The following ETS1 variants were observed in gnomAD, a reference collection of about 807,000 sequenced individuals.
ETS1 encodes ETS proto-oncogene 1, transcription factor.
In ETS1, 15 loss-of-function variants were observed where a neutral mutation model predicts 58.6. The observed-to-expected ratio is 0.26, with a 90% CI of 0.17 to 0.39. The LOEUF (loss-of-function observed/expected upper bound fraction) is 0.39, where lower values mean the gene tolerates loss of function less well. Ranked by LOEUF, ETS1 falls within the 10% of genes least tolerant of loss-of-function variation. The pLI is 1.00. For synonymous variants in ETS1, 214 were observed against 218.2 expected, an observed-to-expected ratio of 0.98 and a Z score of 0.17; for missense variants, 417 against 610.5, an observed-to-expected ratio of 0.68 and a Z score of 3.34.
At chr11:128,533,565 A>G (rs2135534246) in intron 3 of ETS1, among the ~76,000 whole-genome samples, 1 of 152,284 alleles carries the variant, frequency 6.6e-6, no homozygotes, top group South Asian at 2.1e-4. Flanking sequence ...TCCCTTGAAC[A>G]CACTCTAGTT....
intron 3 of ETS1, among the ~76,000 whole-genome samples, chr11:128,521,526 G>C (rs953447037): frequency 6.6e-6 from 1 of 152,158 alleles, no homozygotes; most frequent in Non-Finnish European, 1.5e-5. Context: ...GGGGGACGTG[G>C]AGTCAGGCGA....
chr11:128,492,497 C>A lies in ETS1; in HGVS notation c.215-1921G>T, dbSNP rs146083990. On this transcript the variant is annotated intron_variant, in intron 3 of 9. Coordinates refer to ENST00000392668, the MANE Select transcript of ETS1 (RefSeq NM_001143820.2). Reference sequence around the variant, plus strand: ...TGCCAATGACGAGGAATCTGAAGTTCCAGGGAGTGGTAAGTTTGGGTTGCC... The same window carrying A: ...TGCCAATGACGAGGAATCTGAAGTTACAGGGAGTGGTAAGTTTGGGTTGCC... Among the ~76,000 whole-genome samples the A allele has an allele frequency of 2.3e-3, 344 of 151,920 alleles. 4 individuals are homozygous for A. Among genetic ancestry groups the A allele is most frequent in the African/African-American group, 5.1e-3 (210 of 41,400 alleles).
At chr11:128,558,778 C>G (rs913409321) in intron 2 of ETS1, among the ~76,000 whole-genome samples, 2 of 151,966 alleles carry the variant, frequency 1.3e-5, no homozygotes, top group Admixed American at 1.3e-4. Context: ...GCTCCTGAAG[C>G]AGCTACATTA....
Position 128,480,248 on chromosome 11 carries a change from C to A in ETS1, c.1066G>T (p.Ala356Ser). 6.2e-7 allele frequency: 1 copy of A among 1,614,046 alleles called. No individual in the cohort carries two copies. The highest frequency in any genetic ancestry group is 8.5e-7 in the Non-Finnish European group (1 of 1,180,026). ...ACAGGCTTGTCCTTATTGAGGTCAGCACGGTCCCGCACATAGTCCTTGAAG... is the reference window on the plus strand; with the variant it reads ...ACAGGCTTGTCCTTATTGAGGTCAGAACGGTCCCGCACATAGTCCTTGAAG... The part of the protein sequence containing the change: ...GTFKDYVRDR[A>S]DLNKDKPVIP... Residue 356 changes from alanine (A) to serine (S), a missense_variant, in exon 8 of 10, where the codon GCT becomes TCT. By Grantham distance (99) the Ala-to-Ser change is moderately conservative. Transcript: ENST00000392668.
At chr11:128,525,670 C>G (rs1263563621) in intron 3 of ETS1, among the ~76,000 whole-genome samples, 2 of 145,780 alleles carry the variant, frequency 1.4e-5, no homozygotes, top group Non-Finnish European at 3.0e-5. Flanking sequence ...CCTGTCTGAG[C>G]TGCATTTGTG....
chr11:128,517,860 G>T (rs1051008308), intron 3 of ETS1, among the ~76,000 whole-genome samples: 2 of 150,472 alleles, frequency 1.3e-5, no homozygotes, highest in Non-Finnish European at 3.0e-5. Context: ...CTCTTTAAGA[G>T]AAAAAAAAAG....
intron 2 of ETS1, among the ~76,000 whole-genome samples, chr11:128,561,730 C>A (rs920196192): frequency 1.2e-4 from 19 of 152,290 alleles, no homozygotes; most frequent in Middle Eastern, 3.4e-3. Context: ...AATGGTGAAT[C>A]TACGGGACGG....
intron 3 of ETS1, among the ~76,000 whole-genome samples, chr11:128,550,641 A>G (rs924915872): frequency 6.6e-6 from 1 of 152,150 alleles, no homozygotes; most frequent in Non-Finnish European, 1.5e-5. Flanking sequence ...GTAGCTTGTC[A>G]GGGCAGCTAG....
intron 3 of ETS1, among the ~76,000 whole-genome samples, chr11:128,539,554 T>C (rs1004556844): frequency 2.0e-5 from 3 of 152,204 alleles, no homozygotes; most frequent in Admixed American, 6.5e-5. Context: ...CTAGTAGGAA[T>C]GTAAAATGAA....
intron 2 of ETS1, among the ~76,000 whole-genome samples, chr11:128,562,269 C>T (rs951388405): frequency 1.1e-4 from 16 of 152,190 alleles, no homozygotes; most frequent in South Asian, 2.1e-4. Context: ...ATTAGCCAGG[C>T]GTGGTGGTAG....
At chr11:128,502,024 A>T (rs1484205379) in intron 3 of ETS1, among the ~76,000 whole-genome samples, 3 of 152,188 alleles carry the variant, frequency 2.0e-5, no homozygotes, top group African/African-American at 7.2e-5. Flanking sequence ...AGAGAGAGAG[A>T]GAAAGAGAGC....
Position 128,545,464 on chromosome 11 carries a change from A to G in ETS1, c.214+10827T>C, listed in dbSNP as rs11221343. ...CAGAATTAGTTAGGCTTCTTTGGGGAGGTAAGTTGACCTCTCTGAGTCTTA... is the reference window on the plus strand; with the variant it reads ...CAGAATTAGTTAGGCTTCTTTGGGGGGGTAAGTTGACCTCTCTGAGTCTTA... On this transcript the variant is annotated intron_variant, in intron 3 of 9. Transcript: ENST00000392668. Among the ~76,000 whole-genome samples, 12 of 152,300 alleles carry G rather than the reference A, an allele frequency of 7.9e-5. No homozygotes were observed. In the East Asian group the frequency reaches 2.1e-3, roughly 27 times the overall value.
chr11:128,504,896 C>G (rs1414605100), intron 3 of ETS1: 1 of 152,210 alleles, frequency 6.6e-6, no homozygotes, highest in Non-Finnish European at 1.5e-5. Context: ...ATTCATGATG[C>G]TATCCACTCC....
chr11:128,574,616 G>A (rs1326615380), intron 1 of ETS1, among the ~76,000 whole-genome samples: 3 of 152,092 alleles, frequency 2.0e-5, no homozygotes, highest in African/African-American at 7.2e-5. Flanking sequence ...TCTGTACCAG[G>A]CACTGAGCAT....
At position 128,486,130 on chromosome 11, in the gene ETS1, A is replaced by G. The variant is rs954061881; in HGVS notation, c.552T>C (p.Tyr184=). ...EILQKEDVKP[Y]QVNGVNPAYP... ...AGGCTGGGTTGACTCCATTAACTTG[A>G]TATGGTTTCACATCCTCTGTAATGA... is the stretch of plus-strand genomic sequence containing the variant. The change falls in exon 6 of 10, where the codon TAT becomes TAC. Residue 184 remains tyrosine, a synonymous_variant. Transcript: ENST00000392668. 2 of 1,607,382 alleles carry G rather than the reference A, an allele frequency of 1.2e-6. No homozygotes were observed. The highest frequency in any genetic ancestry group is 1.7e-6 in the Non-Finnish European group (2 of 1,173,932).
chr11:128,520,896 T>C (rs3935795), intron 3 of ETS1, among the ~76,000 whole-genome samples: 10,958 of 152,272 alleles, frequency 0.072, 401 homozygotes, highest in African/African-American at 0.091. Context: ...ACTAAACTTA[T>C]TGATAATCAG....
chr11:128,467,096 T>C (rs770967516), intron 8 of ETS1, among the ~76,000 whole-genome samples: 1 of 152,160 alleles, frequency 6.6e-6, no homozygotes, highest in Non-Finnish European at 1.5e-5. Context: ...GCCTTTTTGT[T>C]GTGGGGAGCA....
At chr11:128,556,836 T>C (rs1864320478) in intron 2 of ETS1, among the ~76,000 whole-genome samples, 1 of 151,982 alleles carries the variant, frequency 6.6e-6, no homozygotes, top group African/African-American at 2.4e-5. Context: ...TCCACAATCA[T>C]ACAACAAGTA....
At chr11:128,507,293 T>C (rs1178523945) in intron 3 of ETS1, among the ~76,000 whole-genome samples, 2 of 150,620 alleles carry the variant, frequency 1.3e-5, no homozygotes, top group Non-Finnish European at 3.0e-5. Context: ...GGGAGCGGAG[T>C]GGGCAGACAG....
Sources: gnomAD v4.1 joint callset for allele counts (sites outside exome capture counted in the v4.1 genomes callset) on GRCh38, gnomAD v4.1.1 for gene constraint, MANE v1.5 for transcripts, NCBI Gene and HGNC (gene_info 2026-07-23, HGNC 2026-07-21) for gene names.